STK3: variants seen among roughly 807,000 people sequenced by gnomAD.
The protein encoded by STK3 is serine/threonine kinase 3.
In STK3, 41 loss-of-function variants were observed where a neutral mutation model predicts 58.0. That is an observed-to-expected ratio of 0.71 (90% CI 0.55 to 0.92). STK3 has a LOEUF of 0.92. Ranked by LOEUF, STK3 falls within the 40% of genes least tolerant of loss-of-function variation. The pLI, the probability that STK3 is intolerant of heterozygous loss-of-function variation, is 0.00. For synonymous variants in STK3, 170 were observed against 191.0 expected (o/e 0.89, Z 0.91); for missense variants, 479 against 602.7 (o/e 0.79, Z 2.15).
intron 1 of STK3, among the ~76,000 whole-genome samples, chr8:98,903,925 T>C (rs547834696): frequency 6.6e-6 from 1 of 152,344 alleles, no homozygotes; most frequent in East Asian, 1.9e-4. Context: ...ACAGTGATTA[T>C]ACTTTTAAAT....
At chr8:98,814,837 T>C (rs546144356) in intron 1 of STK3, among the ~76,000 whole-genome samples, 2 of 152,220 alleles carry the variant, frequency 1.3e-5, no homozygotes, top group South Asian at 4.1e-4. Flanking sequence ...TGCACCACCA[T>C]GCCCAGCTAA....
chr8:98,367,586 T>C (rs1032624693), downstream of STK3, among the ~76,000 whole-genome samples: 4 of 152,202 alleles, frequency 2.6e-5, no homozygotes, highest in East Asian at 7.7e-4. Context: ...GACCCAGATT[T>C]CACATCTCCA....
At chr8:98,474,407 T>G (rs1821152448) in intron 10 of STK3, among the ~76,000 whole-genome samples, 1 of 152,198 alleles carries the variant, frequency 6.6e-6, no homozygotes, top group African/African-American at 2.4e-5. Context: ...CCTGCCTAGG[T>G]CTGCAGCTTC....
intron 3 of STK3, among the ~76,000 whole-genome samples, chr8:98,421,792 A>G (rs765185269): frequency 1.3e-5 from 2 of 152,188 alleles, no homozygotes; most frequent in Non-Finnish European, 2.9e-5. Flanking sequence ...AAATAAATAA[A>G]TAAAAAATTA....
chr8:98,569,031 A>T lies in STK3; in HGVS notation c.948+10633T>A, dbSNP rs182943563. On this transcript the variant is annotated intron_variant, in intron 8 of 10. Coordinates refer to ENST00000419617, the MANE Select transcript of STK3 (RefSeq NM_006281.4). Reference sequence around the variant, plus strand: ...AAGTTTTAAATAACAGGGACAATGCAAAGATCCAAAAACTCCCACATTCAA... The same window carrying T: ...AAGTTTTAAATAACAGGGACAATGCTAAGATCCAAAAACTCCCACATTCAA... Among the ~76,000 whole-genome samples, 69 of 152,344 alleles carry T rather than the reference A, an allele frequency of 4.5e-4. No homozygotes were observed. In the East Asian group the frequency reaches 0.013, roughly 29 times the overall value.
At chr8:98,373,240 TCTC>T (rs988096616) in intron 2 of STK3, among the ~76,000 whole-genome samples, 5 of 152,144 alleles carry the variant, frequency 3.3e-5, no homozygotes, top group African/African-American at 9.7e-5. Flanking sequence ...GCCCTTAACA[TCTC>T]CTTCTGTGTC....
At chr8:98,487,855 A>G (rs1822391138) in intron 10 of STK3, among the ~76,000 whole-genome samples, 1 of 152,218 alleles carries the variant, frequency 6.6e-6, no homozygotes, top group Non-Finnish European at 1.5e-5. Flanking sequence ...CTCAGCTTCA[A>G]CATTCACTTG....
intron 6 of STK3, among the ~76,000 whole-genome samples, chr8:98,645,536 G>C (rs1387180810): frequency 6.6e-6 from 1 of 152,050 alleles, no homozygotes; most frequent in African/African-American, 2.4e-5. Flanking sequence ...TTAAACTGTA[G>C]CAAAAGTGAA....
chr8:98,737,737 T>A (rs913838598), intron 4 of STK3, among the ~76,000 whole-genome samples: 3 of 152,174 alleles, frequency 2.0e-5, no homozygotes, highest in Non-Finnish European at 4.4e-5. Flanking sequence ...AGATGGAGTT[T>A]CACTCTTTCG....
intron 1 of STK3, among the ~76,000 whole-genome samples, chr8:98,811,701 TA>T (rs765368931): frequency 5.9e-5 from 9 of 152,238 alleles, no homozygotes; most frequent in Non-Finnish European, 1.3e-4. Flanking sequence ...AAGTTAGCGT[TA>T]AATAACAAGC....
intron 1 of STK3, among the ~76,000 whole-genome samples, chr8:98,901,295 C>T (rs1394244693): frequency 6.6e-6 from 1 of 152,148 alleles, no homozygotes. Context: ...TTGTAAAGCC[C>T]CTATGCTTTT....
intron 6 of STK3, among the ~76,000 whole-genome samples, chr8:98,668,877 T>C (rs977818407): frequency 6.6e-6 from 1 of 152,148 alleles, no homozygotes; most frequent in Non-Finnish European, 1.5e-5. Context: ...ATTAAAACCT[T>C]GTTTAAGAAT....
Position 98,596,113 on chromosome 8 carries a change from C to T in STK3, c.741G>A (p.Trp247Ter), listed in dbSNP as rs746728067. Residue 247 changes from tryptophan (W) to a stop codon, truncating the protein, a stop_gained, in exon 7 of 11, where the codon TGG becomes TGA. Coordinates refer to ENST00000419617, the MANE Select transcript of STK3 (RefSeq NM_006281.4). LOFTEE classifies it high-confidence loss of function. The stretch of plus-strand genomic sequence containing the variant: ...TAACAAAATCGGTGAAATCATCGGA[C>T]CAAAGTTCTGGCTTTCTGAATGTTG... ...PPPTFRKPEL[W>*]SDDFTDFVKK... is the part of the protein sequence containing the mutation. 6.2e-7 allele frequency: 1 copy of T among 1,613,130 alleles called. No homozygotes were observed. The highest frequency in any genetic ancestry group is 8.5e-7 in the Non-Finnish European group (1 of 1,179,562).
At chr8:98,579,919 A>C in intron 7 of STK3, 130 bp from the exon 8 acceptor site, 1 of 860,120 alleles carries the variant, frequency 1.2e-6, no homozygotes, top group Non-Finnish European at 1.6e-6. Context: ...TCTAGAATTA[A>C]ATGTATAGGT....
At chr8:98,694,271 GA>G (rs1284133021) in intron 6 of STK3, among the ~76,000 whole-genome samples, 1 of 152,150 alleles carries the variant, frequency 6.6e-6, no homozygotes, top group Non-Finnish European at 1.5e-5. Context: ...CCTTATGTTT[GA>G]AAATATCTGC....
Position 98,833,976 on chromosome 8 carries a change from G to GA in STK3, c.110+49670dup, listed in dbSNP as rs565111194. On this transcript the variant is annotated intron_variant, in intron 3 of 12. Transcript: ENST00000523601. ...AGAGAACCATGCAGAGAAGAACTGA[G>GA]AAAAAAAAAACCTTTATCTGAGGGA... Among the ~76,000 whole-genome samples, 831 of 147,272 alleles carry GA rather than the reference G, an allele frequency of 5.6e-3. 4 individuals carry two copies. Among genetic ancestry groups the GA allele is most frequent in the Non-Finnish European group, 8.8e-3 (589 of 66,584 alleles).
intron 3 of STK3, chr8:98,412,981 A>G (rs1341864378): frequency 1.2e-5 from 3 of 251,634 alleles, no homozygotes; most frequent in African/African-American, 7.0e-5. Flanking sequence ...AAGGTCTGGG[A>G]CTAGTCCTTC....
intron 7 of STK3, among the ~76,000 whole-genome samples, chr8:98,592,823 G>A (rs1468337666): frequency 2.0e-5 from 3 of 151,818 alleles, no homozygotes; most frequent in Admixed American, 6.6e-5. Context: ...GAGTGCAGTG[G>A]TGCGATCTTG....
intron 1 of STK3, among the ~76,000 whole-genome samples, chr8:98,381,706 T>C (rs4478542): frequency 1.3e-5 from 2 of 152,110 alleles, no homozygotes; most frequent in East Asian, 3.9e-4. Flanking sequence ...GATGAGTACA[T>C]GGAGGCTAAA....
Sources: gnomAD v4.1 joint callset for allele counts (sites outside exome capture counted in the v4.1 genomes callset) on GRCh38, gnomAD v4.1.1 for gene constraint, MANE v1.5 for transcripts, NCBI Gene and HGNC (gene_info 2026-07-23, HGNC 2026-07-21) for gene names.